MINDY4: variants seen among roughly 807,000 people sequenced by gnomAD.
The protein encoded by MINDY4 is probable ubiquitin carboxyl-terminal hydrolase MINDY-4.
A neutral mutation model predicts 87.0 loss-of-function variants in MINDY4; 68 were observed. The ratio of observed to expected loss-of-function variants is 0.78; its 90% CI spans 0.64 to 0.96. MINDY4 has a LOEUF of 0.96. MINDY4 is among the 40% of genes least tolerant of loss of function. The probability of loss-of-function intolerance (pLI) is 0.00; values close to 1 mark genes in which losing one functional copy is unlikely to be tolerated. For synonymous variants in MINDY4, 379 were observed against 363.2 expected, an observed-to-expected ratio of 1.04 and a Z score of -0.50; for missense variants, 919 against 928.2, an observed-to-expected ratio of 0.99 and a Z score of 0.13.
intron 14 of MINDY4, 36 bp from the exon 15 acceptor site, chr7:30,875,459 G>C (rs752713697): frequency 6.2e-7 from 1 of 1,611,870 alleles, no homozygotes; most frequent in African/African-American, 1.3e-5. Context: ...AACTGATTCA[G>C]ACTTGATGAG....
intron 17 of MINDY4, among the ~76,000 whole-genome samples, chr7:30,885,706 A>ACCCC (rs144436645): frequency 8.1e-6 from 1 of 123,960 alleles, no homozygotes; most frequent in Non-Finnish European, 1.7e-5. Flanking sequence ...GGCAGTGCCC[A>ACCCC]CCCCCCCCCC....
intron 9 of MINDY4, among the ~76,000 whole-genome samples, chr7:30,846,065 C>T (rs1789207249): frequency 6.6e-6 from 1 of 152,166 alleles, no homozygotes; most frequent in Admixed American, 6.5e-5. Flanking sequence ...TCCAGGAAGT[C>T]CTCCTCTCAC....
intron 9 of MINDY4, among the ~76,000 whole-genome samples, chr7:30,848,375 C>A (rs1183823196): frequency 1.3e-5 from 2 of 152,214 alleles, no homozygotes; most frequent in Non-Finnish European, 2.9e-5. Flanking sequence ...GGGCAGAACA[C>A]CCTGGCCTGG....
intron 9 of MINDY4, 33 bp from the exon 10 acceptor site, chr7:30,850,421 T>A: frequency 6.3e-7 from 1 of 1,579,688 alleles, no homozygotes; most frequent in Non-Finnish European, 8.6e-7. Context: ...TGTGTCCACA[T>A]GGGCATAAAT....
At chr7:30,827,523 ATTC>A (rs1788549683) in intron 5 of MINDY4, among the ~76,000 whole-genome samples, 1 of 152,096 alleles carries the variant, frequency 6.6e-6, no homozygotes, top group Non-Finnish European at 1.5e-5. Context: ...TTTCCAGCTC[ATTC>A]TTCCACCAGT....
intron 15 of MINDY4, among the ~76,000 whole-genome samples, chr7:30,877,164 C>G (rs1413602232): frequency 1.3e-5 from 2 of 152,178 alleles, no homozygotes; most frequent in Non-Finnish European, 2.9e-5. Flanking sequence ...AGCACCAGGG[C>G]TCTCGAGCAC....
At chr7:30,811,659 G>A (rs1025289602) in intron 5 of MINDY4, among the ~76,000 whole-genome samples, 4 of 152,142 alleles carry the variant, frequency 2.6e-5, no homozygotes, top group African/African-American at 2.4e-5. Flanking sequence ...GTTAAAGATC[G>A]AACCCTGACC....
intron 13 of MINDY4, among the ~76,000 whole-genome samples, chr7:30,866,642 G>A (rs1789944877): frequency 6.6e-6 from 1 of 152,206 alleles, no homozygotes; most frequent in African/African-American, 2.4e-5. Context: ...TTTTAGAGGA[G>A]GTGACATTTA....
At chr7:30,887,040 T>G (rs962828204) in intron 17 of MINDY4, among the ~76,000 whole-genome samples, 5 of 152,192 alleles carry the variant, frequency 3.3e-5, no homozygotes, top group African/African-American at 1.2e-4. Context: ...GCACAGATGT[T>G]TCTGTTCGGA....
chr7:30,791,599 G>T, intron 5 of MINDY4, 25 bp downstream of exon 5: 1 of 1,567,128 alleles, frequency 6.4e-7, no homozygotes, highest in Non-Finnish European at 8.6e-7. Flanking sequence ...CAAAGGTGAC[G>T]GCTTTTCAAA....
At chr7:30,786,798 C>G (rs1787169900) in intron 4 of MINDY4, among the ~76,000 whole-genome samples, 1 of 152,082 alleles carries the variant, frequency 6.6e-6, no homozygotes, top group South Asian at 2.1e-4. Flanking sequence ...TTTATAGTCT[C>G]TCTTACAGGG....
At chr7:30,790,263 C>A (rs541897733) in intron 4 of MINDY4, among the ~76,000 whole-genome samples, 1 of 152,052 alleles carries the variant, frequency 6.6e-6, no homozygotes, top group African/African-American at 2.4e-5. Context: ...AAGTACAGTG[C>A]ATGAGCCACA....
chr7:30,785,129 C>G (rs1787121252), intron 3 of MINDY4, among the ~76,000 whole-genome samples: 1 of 150,040 alleles, frequency 6.7e-6, no homozygotes, highest in South Asian at 2.1e-4. Flanking sequence ...CCAACACAGT[C>G]TCAGAGACAA....
chr7:30,878,733 G>A (rs549573752), intron 15 of MINDY4, among the ~76,000 whole-genome samples: 8 of 152,292 alleles, frequency 5.3e-5, no homozygotes, highest in Admixed American at 5.2e-4. Flanking sequence ...GACCCACAAA[G>A]GAAAACAGCT....
chr7:30,853,448 A>C lies in MINDY4; in HGVS notation c.1666A>C (p.Ser556Arg), dbSNP rs780291582. ...GGACCTGGTGACTTTTCTTCAACAA[A>C]GCATTCATCAGGTATGAAGCATGCC... The part of the protein sequence containing the change: ...YEDLVTFLQQ[S>R]IHQFEVGPYG... The change falls in exon 12 of 18, where the codon AGC (serine) becomes CGC (arginine). Residue 556 changes from serine to arginine, a missense_variant. Ser to Arg is a moderately radical substitution (Grantham distance 110, BLOSUM62 -1). Coordinates refer to ENST00000265299, the MANE Select transcript of MINDY4 (RefSeq NM_032222.3). 1.9e-6 allele frequency: 3 copies of C among 1,612,582 alleles called. No individual in the cohort carries two copies. Among genetic ancestry groups the C allele is most frequent in the Non-Finnish European group, 2.5e-6 (3 of 1,179,204 alleles).
intron 13 of MINDY4, among the ~76,000 whole-genome samples, chr7:30,862,478 G>A (rs1341821318): frequency 1.3e-5 from 2 of 152,202 alleles, no homozygotes; most frequent in Non-Finnish European, 2.9e-5. Flanking sequence ...CCTGCATCCC[G>A]GCACCTCCAG....
chr7:30,791,302 C>A lies in MINDY4; in HGVS notation c.801C>A (p.Pro267=). ...QDILASSNSS[P]SRTSLGQLSE... ...TTCTGGCTTCGAGCAACAGCTCCCC[C>A]TCCAGGACCTCCCTGGGTCAGCTTA... The change falls in exon 5 of 18, where the codon CCC becomes CCA. Residue 267 remains proline (P), a synonymous_variant. Coordinates refer to ENST00000265299, the MANE Select transcript of MINDY4 (RefSeq NM_032222.3). 2 of 1,614,208 alleles carry A rather than the reference C, an allele frequency of 1.2e-6. No individual in the cohort carries two copies. Among genetic ancestry groups the A allele is most frequent in the Non-Finnish European group, 8.5e-7 (1 of 1,180,018 alleles).
At chr7:30,885,916 T>G (rs978751336) in intron 17 of MINDY4, among the ~76,000 whole-genome samples, 1 of 152,148 alleles carries the variant, frequency 6.6e-6, no homozygotes, top group Non-Finnish European at 1.5e-5. Flanking sequence ...CCCATCATGG[T>G]GGGTCCACCT....
chr7:30,782,458 T>A (rs761723407), intron 3 of MINDY4, among the ~76,000 whole-genome samples: 1 of 151,926 alleles, frequency 6.6e-6, no homozygotes, highest in Non-Finnish European at 1.5e-5. Context: ...TCCCAGCACT[T>A]TGGGAGGCCA....
Sources: gnomAD v4.1 joint callset for allele counts (sites outside exome capture counted in the v4.1 genomes callset) on GRCh38, gnomAD v4.1.1 for gene constraint, MANE v1.5 for transcripts, NCBI Gene and HGNC (gene_info 2026-07-23, HGNC 2026-07-21) for gene names.